Variants in RP9 observed in about 807,000 individuals in gnomAD.
The protein encoded by RP9 is retinitis pigmentosa 9 protein.
RP9 carries 23 observed loss-of-function variants against 32.6 expected under a neutral mutation model. The ratio of observed to expected loss-of-function variants is 0.71; its 90% CI spans 0.51 to 1.00. The LOEUF (loss-of-function observed/expected upper bound fraction) is 1.00. Ranked by LOEUF, RP9 falls within the 50% of genes least tolerant of loss-of-function variation. The pLI is 0.00. For synonymous variants in RP9, 94 were observed against 103.6 expected, an observed-to-expected ratio of 0.91 and a Z score of 0.56; for missense variants, 245 against 285.3, an observed-to-expected ratio of 0.86 and a Z score of 1.02.
intron 1 of RP9, among the ~76,000 whole-genome samples, chr7:33,108,848 G>T (rs1788538664): frequency 6.6e-6 from 1 of 152,198 alleles, no homozygotes; most frequent in Non-Finnish European, 1.5e-5. Flanking sequence ...CCCAGCTTAA[G>T]AACTTAGAAG....
chr7:33,097,760 C>T (rs1042959870), intron 3 of RP9, among the ~76,000 whole-genome samples: 3 of 152,060 alleles, frequency 2.0e-5, no homozygotes, highest in African/African-American at 7.2e-5. Context: ...GCTGGGATTA[C>T]AGGTGCGTAC....
At chr7:33,100,451 T>C (rs972450796) in intron 2 of RP9, 80 bp downstream of exon 2, 2 of 1,153,156 alleles carry the variant, frequency 1.7e-6, no homozygotes, top group Non-Finnish European at 2.6e-6. Flanking sequence ...TTTAACATCA[T>C]GCAATTATTT....
chr7:33,100,882 G>T, intron 1 of RP9: 3 of 490,026 alleles, frequency 6.1e-6, no homozygotes, highest in Non-Finnish European at 1.2e-5. Context: ...TGAAGGCGAG[G>T]TGTTTGTGCA....
At chr7:33,097,392 A>G in intron 3 of RP9, 30 bp from the exon 4 acceptor site, 1 of 1,498,616 alleles carries the variant, frequency 6.7e-7, no homozygotes, top group Non-Finnish European at 9.3e-7. Context: ...TATTTCTGTA[A>G]GATAACAGTT....
chr7:33,098,547 C>T (rs1271692757), intron 3 of RP9, among the ~76,000 whole-genome samples: 2 of 152,018 alleles, frequency 1.3e-5, no homozygotes, highest in Non-Finnish European at 2.9e-5. Context: ...TTCCAGACTC[C>T]CTCCACTCGG....
intron 4 of RP9, 45 bp downstream of exon 4, chr7:33,097,226 A>G (rs1474646957): frequency 7.1e-7 from 1 of 1,398,770 alleles, no homozygotes; most frequent in Admixed American, 1.7e-5. Flanking sequence ...ACTGATTTTC[A>G]CTATCTCTGA....
At chr7:33,108,874 T>C (rs377026389) in intron 1 of RP9, among the ~76,000 whole-genome samples, 3 of 152,322 alleles carry the variant, frequency 2.0e-5, no homozygotes, top group East Asian at 3.9e-4. Flanking sequence ...AGGGAAACCA[T>C]ATTTCCTTCC....
At position 33,099,423 on chromosome 7, in the gene RP9, T is replaced by C; in HGVS notation, c.197A>G (p.Lys66Arg). The stretch of plus-strand genomic sequence containing the variant: ...TACATCTGGTATGCAATCTTCTGGC[T>C]TAGTCTCATCTTCCTAAAAAAGGGA... ...PPGLIKEDET[K>R]PEDCIPDVPG... Residue 66 changes from lysine to arginine, a missense_variant, in exon 3 of 6, where the codon AAG becomes AGG. By Grantham distance (26) the Lys-to-Arg change is conservative. Transcript: ENST00000297157. The C allele has an allele frequency of 6.2e-7, 1 of 1,613,502 alleles. No homozygotes were observed. The highest frequency in any genetic ancestry group is 8.5e-7 in the Non-Finnish European group (1 of 1,179,944).
intron 2 of RP9, among the ~76,000 whole-genome samples, 157 bp from the exon 3 acceptor site, chr7:33,099,593 A>C (rs1562620002): frequency 6.6e-6 from 1 of 152,090 alleles, no homozygotes; most frequent in Non-Finnish European, 1.5e-5. Flanking sequence ...GTTACACCTG[A>C]TTGAAAAAAC....
chr7:33,104,133 A>G (rs1244157968), intron 1 of RP9, among the ~76,000 whole-genome samples: 1 of 152,208 alleles, frequency 6.6e-6, no homozygotes, highest in Non-Finnish European at 1.5e-5. Flanking sequence ...GTACAATGAA[A>G]ATACAAAGAC....
Position 33,109,228 on chromosome 7 carries a change from C to T in RP9, c.145G>A (p.Glu49Lys). ...AQQLQQLKHL[E>K]SFYEKPPPGL... ...CGGCAGCTCGGGACTCACAAGGACT[C>T]CAGGTGCTTGAGCTGCTGCAGCTGC... is the stretch of plus-strand genomic sequence containing the variant. The change falls in exon 1 of 6, where the codon GAG (glutamate) becomes AAG (lysine). Residue 49 changes from glutamate (E) to lysine (K), a missense_variant. Transcript: ENST00000297157. The surrounding 1 kb of genome is among the most constrained non-coding windows in gnomAD (Gnocchi z 4.9). The T allele has an allele frequency of 6.7e-7, 1 of 1,498,180 alleles. No individual in the cohort carries two copies. The highest frequency in any genetic ancestry group is 8.9e-7 in the Non-Finnish European group (1 of 1,126,052). The allele number at this position is 1,498,180 out of a possible 1,614,324, so 92.8% of individuals were successfully genotyped here. A position where few individuals can be genotyped will look rare whatever the true frequency, so the allele number is the denominator to read the frequency against.
rs1159009212 is a variant in RP9 at position 33,109,395 on chromosome 7, G to T, written c.-23C>A. ...CATGTCAGCCCCCGCAGCGCCGCTC[G>T]GGCAACCCCCGCGGCGCGGCTCCGG... is the stretch of plus-strand genomic sequence containing the variant. On this transcript the variant is annotated 5_prime_UTR_variant, in exon 1 of 6. Transcript: ENST00000297157. The surrounding 1 kb of genome is among the most constrained non-coding windows in gnomAD (Gnocchi z 4.9). 2.6e-6 allele frequency: 3 copies of T among 1,175,088 alleles called. No homozygotes were observed. The highest frequency in any genetic ancestry group is 3.3e-5 in the African/African-American group (2 of 61,028). 72.8% of individuals were successfully genotyped at this position (1,175,088 alleles called of 1,614,324 possible). A position where few individuals can be genotyped will look rare whatever the true frequency, so the allele number is the denominator to read the frequency against.
chr7:33,098,052 A>G (rs988184363), intron 3 of RP9, among the ~76,000 whole-genome samples: 10 of 152,044 alleles, frequency 6.6e-5, no homozygotes, highest in African/African-American at 2.4e-5. Flanking sequence ...TCTGTTCAAA[A>G]CTCTCACTTT....
At chr7:33,105,380 GCAGT>G (rs1402950915) in intron 1 of RP9, among the ~76,000 whole-genome samples, 1 of 152,020 alleles carries the variant, frequency 6.6e-6, no homozygotes, top group East Asian at 1.9e-4. Context: ...CTTCCCCAAA[GCAGT>G]CAGAGAGGCC....
At chr7:33,098,975 G>A in intron 3 of RP9, 1 of 407,826 alleles carries the variant, frequency 2.5e-6, no homozygotes, top group Non-Finnish European at 4.6e-6. Flanking sequence ...AGTCAGCTCG[G>A]GCTGACATAA....
At chr7:33,100,631 A>T (rs1788410977) in intron 1 of RP9, 70 bp from the exon 2 acceptor site, 44 of 1,235,902 alleles carry the variant, frequency 3.6e-5, no homozygotes, top group Non-Finnish European at 5.1e-5. Flanking sequence ...TACTGCAAAA[A>T]AGGGGCTATA....
At position 33,108,714 on chromosome 7, in the gene RP9, A is replaced by G. The variant is rs543065961; in HGVS notation, c.152+507T>C. Among the ~76,000 whole-genome samples the G allele has an allele frequency of 4.6e-5, 7 of 152,298 alleles. No individual in the cohort carries two copies. In the East Asian group the frequency reaches 1.4e-3, roughly 29 times the overall value. On this transcript the variant is annotated intron_variant, in intron 1 of 5. Coordinates refer to ENST00000297157, the MANE Select transcript of RP9 (RefSeq NM_203288.2). Reference sequence around the variant, plus strand: ...TTCCAAAAGGTCTCCACCACGCCCCAAAAGGCCCACGCCCCTATTCCCTGG... The same window carrying G: ...TTCCAAAAGGTCTCCACCACGCCCCGAAAGGCCCACGCCCCTATTCCCTGG...
chr7:33,099,026 G>A, intron 3 of RP9: 2 of 514,944 alleles, frequency 3.9e-6, no homozygotes, highest in Non-Finnish European at 7.0e-6. Context: ...ACAGAAACTG[G>A]TTTTCTCATT....
intron 3 of RP9, 117 bp from the exon 4 acceptor site, chr7:33,097,479 T>A (rs1788355749): frequency 1.3e-6 from 1 of 740,812 alleles, no homozygotes; most frequent in African/African-American, 1.8e-5. Context: ...AAACAAAATA[T>A]AATTATGGAC....
Sources: allele counts gnomAD v4.1 joint callset (sites outside exome capture counted in the v4.1 genomes callset), GRCh38; gene constraint gnomAD v4.1.1; non-coding constraint Gnocchi (gnomAD v3.1); transcripts MANE v1.5; gene names NCBI Gene and HGNC (gene_info 2026-07-23, HGNC 2026-07-21).